Variants in TUSC3 observed in about 807,000 individuals in gnomAD.
The protein encoded by TUSC3 is dolichyl-diphosphooligosaccharide--protein glycosyltransferase subunit TUSC3.
In TUSC3, 45 loss-of-function variants were observed where a neutral mutation model predicts 44.8. That is an observed-to-expected ratio of 1.00 (90% CI 0.79 to 1.29). The LOEUF is 1.29. Ranked by LOEUF, TUSC3 falls within the 50% of genes most tolerant of loss-of-function variation. The pLI, the probability that TUSC3 is intolerant of heterozygous loss-of-function variation, is 0.00. For synonymous variants in TUSC3, 212 were observed against 152.9 expected, an observed-to-expected ratio of 1.39 and a Z score of -2.85; for missense variants, 519 against 437.9, an observed-to-expected ratio of 1.19 and a Z score of -1.65.
intron 9 of TUSC3, among the ~76,000 whole-genome samples, chr8:15,752,254 CAT>C (rs1450958176): frequency 1.3e-5 from 2 of 151,946 alleles, no homozygotes; most frequent in African/African-American, 4.8e-5. Flanking sequence ...AGCCGAAAGT[CAT>C]AATTTGTGTA....
chr8:15,699,770 A>T (rs1472557534), intron 6 of TUSC3, among the ~76,000 whole-genome samples: 1 of 152,194 alleles, frequency 6.6e-6, no homozygotes, highest in Non-Finnish European at 1.5e-5. Context: ...AGCGTTGTAC[A>T]GGAAAAGTCT....
intron 1 of TUSC3, among the ~76,000 whole-genome samples, chr8:15,445,854 G>T (rs1351161624): frequency 6.6e-6 from 1 of 152,222 alleles, no homozygotes; most frequent in Non-Finnish European, 1.5e-5. Flanking sequence ...TGGTAGACGG[G>T]GTGGCGGCCG....
intron 2 of TUSC3, among the ~76,000 whole-genome samples, chr8:15,632,222 C>T (rs140862243): frequency 3.3e-5 from 5 of 152,190 alleles, no homozygotes; most frequent in Non-Finnish European, 5.9e-5. Flanking sequence ...ATAACGTTTC[C>T]ACACTTAAAC....
At chr8:15,766,874 T>G (rs1812345440), downstream of TUSC3, among the ~76,000 whole-genome samples, 2 of 152,098 alleles carry the variant, frequency 1.3e-5, no homozygotes, top group South Asian at 4.1e-4. Flanking sequence ...CCAGTGACAT[T>G]AAACATTGTG....
the TUSC3 span, among the ~76,000 whole-genome samples, chr8:15,775,683 C>CGT: frequency 5.8e-5 from 7 of 120,340 alleles, no homozygotes; most frequent in South Asian, 1.8e-3. Flanking sequence ...CACATAAATA[C>CGT]ATATGTACAC....
intron 10 of TUSC3, chr8:15,758,295 A>T: frequency 2.1e-6 from 2 of 966,152 alleles, no homozygotes. Context: ...CTTACTGAAA[A>T]CTTTTTTAAA....
chr8:15,540,625 C>CGTTGCCAGGCAGCCCTGCCGT, intron 1 of TUSC3, 57 bp downstream of exon 1: 1 of 1,475,564 alleles, frequency 6.8e-7, no homozygotes, highest in Non-Finnish European at 9.1e-7. Context: ...GGGTGGGCCG[C>CGTTGCCAGGCAGCCCTGCCGT]GTTGCCAGGC....
At chr8:15,422,803 C>T (rs922928336) in intron 1 of TUSC3, among the ~76,000 whole-genome samples, 3 of 151,932 alleles carry the variant, frequency 2.0e-5, no homozygotes, top group African/African-American at 7.3e-5. Context: ...CCACCAAACC[C>T]AGCTAATTTT....
intron 2 of TUSC3, among the ~76,000 whole-genome samples, chr8:15,490,343 C>A (rs1436341707): frequency 6.6e-6 from 1 of 152,148 alleles, no homozygotes; most frequent in Non-Finnish European, 1.5e-5. Flanking sequence ...CTAAAGAATT[C>A]ATGACTTCTA....
At position 15,764,917 on chromosome 8, in the gene TUSC3, TTAACACACTATCCATTTTCGAGCAAACC is replaced by T. The variant is rs1198073552; in HGVS notation, c.*766_*793del. ...TCCAGACTTAAAAATAAGAGCAAAC[TTAACACACTATCCATTTTCGAGCAAACC>T]TAACCCACTATATCCATTTTGCTCA... On this transcript the variant is annotated 3_prime_UTR_variant, in exon 11 of 11. Transcript: ENST00000503731. 2.8e-3 allele frequency: 431 copies of T among 152,140 alleles called. 2 individuals are homozygous for T. The highest frequency in any genetic ancestry group is 1.0e-2 in the African/African-American group (415 of 41,540). The allele number at this position is 152,140 out of a possible 1,614,324, so 9.4% of individuals were successfully genotyped here.
Position 15,523,726 on chromosome 8 carries a change from A to ATATATATATATATATATATATATAT in TUSC3, n.189+40243_189+40244insTATATATATATATATATATATATAT, listed in dbSNP as rs1563273722. On this transcript the variant is annotated intron_variant and non_coding_transcript_variant, in intron 2 of 5. Transcript: ENST00000503191. ...TGTGTGTGTATATATATATATATAT[A>ATATATATATATATATATATATATAT]AAGTAGTTCTTAGGAGAGGAAATGA... Among the ~76,000 whole-genome samples, 3 of 134,664 alleles carry ATATATATATATATATATATATATAT rather than the reference A, an allele frequency of 2.2e-5. 1 individual carries two copies. The highest frequency in any genetic ancestry group is 8.7e-5 in the African/African-American group (3 of 34,610). 88.3% of individuals were successfully genotyped at this position (134,664 alleles called of 152,430 possible).
chr8:15,645,495 A>G (rs1025888675), intron 2 of TUSC3, among the ~76,000 whole-genome samples: 1 of 152,066 alleles, frequency 6.6e-6, no homozygotes, highest in African/African-American at 2.4e-5. Flanking sequence ...TGTATGCTGT[A>G]TAGCACCTAC....
intron 1 of TUSC3, among the ~76,000 whole-genome samples, chr8:15,449,360 G>C (rs1404176980): frequency 6.6e-6 from 1 of 152,110 alleles, no homozygotes; most frequent in Non-Finnish European, 1.5e-5. Context: ...GGAGTTTTTT[G>C]ACCCTCTGAT....
intron 1 of TUSC3, among the ~76,000 whole-genome samples, chr8:15,453,846 T>C (rs1251839996): frequency 6.6e-6 from 1 of 152,224 alleles, no homozygotes; most frequent in South Asian, 2.1e-4. Flanking sequence ...AATAATTGGT[T>C]GCAACCAGCA....
chr8:15,676,072 C>G (rs1280047257), intron 6 of TUSC3, among the ~76,000 whole-genome samples: 1 of 152,104 alleles, frequency 6.6e-6, no homozygotes, highest in Non-Finnish European at 1.5e-5. Context: ...GTTCCGTTTT[C>G]TACACAGCCT....
chr8:15,742,619 C>G (rs142139951), intron 7 of TUSC3, among the ~76,000 whole-genome samples: 135 of 152,276 alleles, frequency 8.9e-4, no homozygotes, highest in African/African-American at 3.2e-3. Flanking sequence ...ACAGGAGATT[C>G]ATTGATGCTG....
intron 1 of TUSC3, among the ~76,000 whole-genome samples, chr8:15,595,436 T>C (rs79756747): frequency 0.01 from 1,563 of 152,288 alleles, 58 homozygotes; most frequent in East Asian, 0.075. Flanking sequence ...CTCTCTGTGC[T>C]GTAGGCTTGA....
the TUSC3 span, among the ~76,000 whole-genome samples, chr8:15,836,476 C>T: frequency 7.5e-6 from 1 of 132,740 alleles, no homozygotes; most frequent in African/African-American, 2.8e-5. Flanking sequence ...GACTCCATCT[C>T]AAAAAAAAAA....
rs1812323274 is a variant in TUSC3, at chr8:15,766,271, A to G, written c.*2115A>G. The G allele has an allele frequency of 6.6e-6, 1 of 152,138 alleles. No homozygotes were observed. The highest frequency in any genetic ancestry group is 2.4e-5 in the African/African-American group (1 of 41,442). The allele number at this position is 152,138 out of a possible 1,614,324, so 9.4% of individuals were successfully genotyped here. On this transcript the variant is annotated 3_prime_UTR_variant, in exon 11 of 11. Coordinates refer to ENST00000503731, the MANE Select transcript of TUSC3 (RefSeq NM_006765.4). The stretch of plus-strand genomic sequence containing the variant: ...ACTGCCTCAACATAAGTCGTTACTG[A>G]CTGGAAAATGCTATAGGCAGAATTG...
Sources: allele counts gnomAD v4.1 joint callset (sites outside exome capture counted in the v4.1 genomes callset), GRCh38; gene constraint gnomAD v4.1.1; transcripts MANE v1.5; gene names NCBI Gene and HGNC (gene_info 2026-07-23, HGNC 2026-07-21).